PCLO: variants seen among roughly 807,000 people sequenced by gnomAD.
PCLO encodes piccolo presynaptic cytomatrix protein.
Under a neutral mutation model 427.5 loss-of-function variants are expected in PCLO, and 82 were observed. The ratio of observed to expected loss-of-function variants is 0.19; its 90% CI spans 0.16 to 0.23. PCLO has a LOEUF of 0.23. Among genes scored for constraint, PCLO ranks in the 10% least tolerant of loss-of-function variants. The pLI is 1.00. For synonymous variants in PCLO, 2,357 were observed against 2,155.4 expected, an observed-to-expected ratio of 1.09 and a Z score of -2.59; for missense variants, 6,239 against 6,115.9, an observed-to-expected ratio of 1.02 and a Z score of -0.67.
chr7:83,014,139 C>T (rs1346140208), intron 3 of PCLO, among the ~76,000 whole-genome samples: 1 of 152,046 alleles, frequency 6.6e-6, no homozygotes, highest in African/African-American at 2.4e-5. Context: ...TGTATCTTCC[C>T]TTAAGATATG....
intron 3 of PCLO, among the ~76,000 whole-genome samples, chr7:83,101,630 T>C (rs1347032414): frequency 2.0e-5 from 3 of 152,144 alleles, no homozygotes; most frequent in Non-Finnish European, 4.4e-5. Flanking sequence ...TATGTGGAAG[T>C]GAAGAATAAT....
At chr7:82,834,176 T>G (rs1792168288) in intron 16 of PCLO, among the ~76,000 whole-genome samples, 1 of 152,196 alleles carries the variant, frequency 6.6e-6, no homozygotes, top group South Asian at 2.1e-4. Context: ...AAATACAATC[T>G]CTATCATTCT....
chr7:83,026,785 C>T (rs1433927960), intron 3 of PCLO, among the ~76,000 whole-genome samples: 6 of 149,816 alleles, frequency 4.0e-5, no homozygotes, highest in Non-Finnish European at 7.5e-5. Context: ...CAAACTAGAA[C>T]TCAGGATTAA....
At chr7:82,758,782 CT>C in intron 24 of PCLO, 67 bp from the exon 25 acceptor site, 9 of 951,000 alleles carry the variant, frequency 9.5e-6, no homozygotes, top group East Asian at 2.6e-5. Flanking sequence ...AGTTTTCAAC[CT>C]TTTTTAAGGA....
chr7:82,943,123 CA>C (rs1795122582), intron 6 of PCLO, among the ~76,000 whole-genome samples: 1 of 151,910 alleles, frequency 6.6e-6, no homozygotes. Context: ...TAAAGGATTC[CA>C]AAAATTTTAA....
chr7:82,879,625 TAATATAA>T (rs1562833529), intron 9 of PCLO, among the ~76,000 whole-genome samples, 163 bp from the exon 10 acceptor site: 2 of 152,168 alleles, frequency 1.3e-5, no homozygotes, highest in African/African-American at 4.8e-5. Context: ...CTGATTTTGA[TAATATAA>T]AATAGGATTT....
chr7:83,097,446 C>T (rs898527353), intron 3 of PCLO, among the ~76,000 whole-genome samples: 6 of 146,028 alleles, frequency 4.1e-5, no homozygotes, highest in African/African-American at 1.2e-4. Context: ...GGCATGAACC[C>T]GGGAGGCGGA....
In PCLO at chr7:82,765,803, C is replaced by CCTTTATTA. The variant is rs535943237; in HGVS notation, c.15008-4311_15008-4310insTAATAAAG. Among the ~76,000 whole-genome samples the CCTTTATTA allele has an allele frequency of 1.2e-4, 18 of 151,926 alleles. No individual in the cohort carries two copies. The South Asian group carries it at 3.5e-3, about 30-fold the overall frequency. On this transcript the variant is annotated intron_variant, in intron 22 of 24. Transcript: ENST00000333891. ...ATCTATCTTTTTTTAAAAGGAGCTT[C>CCTTTATTA]ACAGGAAAATAAAGGATCTCTAAAA...
intron 3 of PCLO, among the ~76,000 whole-genome samples, chr7:82,995,207 T>A (rs1205432869): frequency 6.6e-6 from 1 of 152,038 alleles, no homozygotes; most frequent in African/African-American, 2.4e-5. Flanking sequence ...GGTCTATGAC[T>A]GAAGCTATAT....
chr7:82,928,161 A>G (rs1314626216), intron 6 of PCLO, among the ~76,000 whole-genome samples: 2 of 152,148 alleles, frequency 1.3e-5, no homozygotes, highest in African/African-American at 4.8e-5. Flanking sequence ...TAATATAGAC[A>G]GGTTTCTAAT....
chr7:82,867,603 A>G (rs1023798934), intron 10 of PCLO, among the ~76,000 whole-genome samples: 3 of 152,172 alleles, frequency 2.0e-5, no homozygotes, highest in African/African-American at 7.2e-5. Context: ...TATTCCAAGA[A>G]ATATTGGTTA....
chr7:83,102,121 A>T (rs1435230800), intron 3 of PCLO, among the ~76,000 whole-genome samples: 2 of 117,104 alleles, frequency 1.7e-5, no homozygotes, highest in East Asian at 8.1e-4. Flanking sequence ...TAATAAATAA[A>T]TATAATAAAC....
rs141561269 is a variant in PCLO, at chr7:83,088,542, G to A, written c.3300+45708C>T. ...AAGAAATGTACTAGACCAGGTAGCC[G>A]ACTGGTACACAGAAGGGCTGGTGGG... On this transcript the variant is annotated intron_variant, in intron 3 of 24. Transcript: ENST00000333891. Among the ~76,000 whole-genome samples the A allele has an allele frequency of 2.6e-3, 396 of 152,192 alleles. 2 individuals are homozygous for A. Among genetic ancestry groups the A allele is most frequent in the African/African-American group, 9.2e-3 (382 of 41,532 alleles).
chr7:83,117,006 A>G (rs56230312), intron 3 of PCLO, among the ~76,000 whole-genome samples: 1 of 152,178 alleles, frequency 6.6e-6, no homozygotes, highest in Non-Finnish European at 1.5e-5. Context: ...CTTTCCAGCT[A>G]TAAAAAGAAA....
intron 7 of PCLO, among the ~76,000 whole-genome samples, chr7:82,909,462 C>A (rs1562851028): frequency 6.6e-6 from 1 of 151,940 alleles, no homozygotes; most frequent in Non-Finnish European, 1.5e-5. Flanking sequence ...GTGCAGCAAA[C>A]CACTATGGCA....
chr7:83,159,205 T>C (rs1019312051), intron 1 of PCLO, among the ~76,000 whole-genome samples: 1 of 152,106 alleles, frequency 6.6e-6, no homozygotes. Context: ...TGAATTGCTT[T>C]CACTTAAAAT....
intron 3 of PCLO, among the ~76,000 whole-genome samples, chr7:83,035,268 G>A (rs1286826912): frequency 6.6e-6 from 1 of 152,092 alleles, no homozygotes; most frequent in African/African-American, 2.4e-5. Context: ...TTGGAGACAG[G>A]CAAAATCAAT....
intron 3 of PCLO, among the ~76,000 whole-genome samples, chr7:83,057,712 C>T (rs1462800446): frequency 6.6e-6 from 1 of 151,708 alleles, no homozygotes; most frequent in East Asian, 1.9e-4. Flanking sequence ...TACATCACGA[C>T]CGATCTATAT....
intron 3 of PCLO, among the ~76,000 whole-genome samples, chr7:83,073,264 C>T (rs1419010261): frequency 6.6e-6 from 1 of 151,926 alleles, no homozygotes; most frequent in African/African-American, 2.4e-5. Flanking sequence ...GTTAAAATTA[C>T]AGCCCATTAA....
Sources: allele counts gnomAD v4.1 joint callset (sites outside exome capture counted in the v4.1 genomes callset), GRCh38; gene constraint gnomAD v4.1.1; transcripts MANE v1.5; gene names NCBI Gene and HGNC (gene_info 2026-07-23, HGNC 2026-07-21).